PLXNB1: variants seen among roughly 807,000 people sequenced by gnomAD.
PLXNB1 encodes plexin-B1.
PLXNB1 carries 106 observed loss-of-function variants against 209.4 expected under a neutral mutation model. That is an observed-to-expected ratio of 0.51 (90% CI 0.43 to 0.59). PLXNB1 has a LOEUF of 0.59. Among genes scored for constraint, PLXNB1 ranks in the 20% least tolerant of loss-of-function variants. The pLI is 0.00. For synonymous variants in PLXNB1, 1,167 were observed against 1,183.2 expected (o/e 0.99, Z 0.28); for missense variants, 2,357 against 2,853.2 (o/e 0.83, Z 3.96).
At position 48,410,900 on chromosome 3, in the gene PLXNB1, G is replaced by C; in HGVS notation, c.5384C>G (p.Thr1795Ser). 6.2e-7 allele frequency: 1 copy of C among 1,613,098 alleles called. No individual in the cohort carries two copies. The highest frequency in any genetic ancestry group is 8.5e-7 in the Non-Finnish European group (1 of 1,179,616). ...AAGGGTGCGAGGGTCTGGCCGCTGG[G>C]TGAGAGGCACTCCTTTATAAAGCTG... ...LDQLYKGVPL[T>S]QRPDPRTLDV... Residue 1795 changes from threonine to serine, a missense_variant, in exon 29 of 38, where the codon ACC becomes AGC. Transcript: ENST00000296440. This position sits in a 1 kb window ranked among gnomAD's most constrained non-coding sequence, Gnocchi z 6.4.
At chr3:48,412,694 AGAAGGG>A (rs750927542) in intron 25 of PLXNB1, 42 bp downstream of exon 25, 1 of 1,602,450 alleles carries the variant, frequency 6.2e-7, no homozygotes, top group South Asian at 1.1e-5. Context: ...CATGCCCTGG[AGAAGGG>A]GCAGGGCCAG....
At position 48,420,138 on chromosome 3, in the gene PLXNB1, G is replaced by C. The variant is rs754765414; in HGVS notation, c.2148C>G (p.Pro716=). 5.0e-6 allele frequency: 8 copies of C among 1,611,876 alleles called. No individual in the cohort carries two copies. Among genetic ancestry groups the C allele is most frequent in the Non-Finnish European group, 6.8e-6 (8 of 1,179,318 alleles). ...AGATGTCCGAAGCTGTGGCTGTGGAGGGAGCCCCAGGCTCCACGGGAAGGG... is the reference window on the plus strand; with the variant it reads ...AGATGTCCGAAGCTGTGGCTGTGGACGGAGCCCCAGGCTCCACGGGAAGGG... ...PDTLPVEPGA[P]STATASDISP... The change falls in exon 11 of 38, where the codon CCC becomes CCG. Residue 716 remains proline, a synonymous_variant. Coordinates refer to ENST00000296440, the MANE Select transcript of PLXNB1 (RefSeq NM_001130082.3).
chr3:48,419,099 AG>A lies in PLXNB1; in HGVS notation c.2833-61del, dbSNP rs1454751573. On this transcript the variant is annotated intron_variant, in intron 12 of 37. Coordinates refer to ENST00000296440, the MANE Select transcript of PLXNB1 (RefSeq NM_001130082.3). The surrounding 1 kb of genome is among the most constrained non-coding windows in gnomAD (Gnocchi z 5.7). ...AGGAGCTGGGCCCAGGGAGTCCTGC[AG>A]GTCACCCAACAGATCCCCCAGCACA... 6.2e-7 allele frequency: 1 copy of A among 1,600,250 alleles called. No homozygotes were observed. Among genetic ancestry groups the A allele is most frequent in the Non-Finnish European group, 8.5e-7 (1 of 1,170,240 alleles).
Position 48,405,950 on chromosome 3 carries a change from A to C in PLXNB1, c.6229-152T>G. 1 of 636,148 alleles carries C rather than the reference A, an allele frequency of 1.6e-6. No individual in the cohort carries two copies. Among genetic ancestry groups the C allele is most frequent in the Non-Finnish European group, 2.8e-6 (1 of 353,564 alleles). The allele number at this position is 636,148 out of a possible 1,614,324, so 39.4% of individuals were successfully genotyped here. ...TACAGTGGGAAGCAGAGTCCCCTCC[A>C]TGGCCCAGGGACCCCAGGCCAGGTG... On this transcript the variant is annotated intron_variant, in intron 36 of 37. Transcript: ENST00000296440. The surrounding 1 kb of genome is among the most constrained non-coding windows in gnomAD (Gnocchi z 5.0).
At chr3:48,423,050 C>G in intron 3 of PLXNB1, 103 bp from the exon 4 acceptor site, 3 of 992,592 alleles carry the variant, frequency 3.0e-6, no homozygotes, top group Non-Finnish European at 4.5e-6. Flanking sequence ...TCTGGTAGCT[C>G]TCCCTGTACA....
At chr3:48,422,490 CA>C (rs2106945260) in intron 4 of PLXNB1, 31 bp from the exon 5 acceptor site, 2 of 1,546,794 alleles carry the variant, frequency 1.3e-6, no homozygotes, top group African/African-American at 1.4e-5. Context: ...GTCTGGGACC[CA>C]AGTCCATGGC....
rs769375183 is a variant in PLXNB1, at chr3:48,419,914, G to A, written c.2372C>T (p.Pro791Leu). 36 of 1,564,028 alleles carry A rather than the reference G, an allele frequency of 2.3e-5. No homozygotes were observed. The highest frequency in any genetic ancestry group is 2.6e-5 in the Non-Finnish European group (30 of 1,152,102). Residue 791 changes from proline (P) to leucine (L), a missense_variant, in exon 11 of 38, where the codon CCG (proline) becomes CTG (leucine). This residue lies in a region of PLXNB1 where 410 missense variants were observed against 401.0 expected (regional missense o/e 1.02). Transcript: ENST00000296440. The surrounding 1 kb of genome is among the most constrained non-coding windows in gnomAD (Gnocchi z 5.7). ...TGCTGCTACCTCTGAGGGTGACAGC[G>A]GGGAGGCCAAGAGGTCCTCAGGTGT... The part of the protein sequence containing the change: ...SATPEDLLAS[P>L]LSPSEVAAVP...
rs369373690 is a variant in PLXNB1 at position 48,415,758 on chromosome 3, G to A, written c.3619C>T (p.Leu1207=). The change falls in exon 19 of 38, where the codon CTG becomes TTG. Residue 1207 remains leucine, a splice_region_variant and synonymous_variant. Coordinates refer to ENST00000296440, the MANE Select transcript of PLXNB1 (RefSeq NM_001130082.3). The surrounding 1 kb of genome is among the most constrained non-coding windows in gnomAD (Gnocchi z 5.0). ...VVVGDQPCHL[L]PEQQSEQLRC... is the part of the protein sequence containing the mutation. ...AGTTGTTCTGACTGCTGCTCCGGCA[G>A]CCTGGGAGGGGAGGTGGGAATGAAT... The A allele has an allele frequency of 1.9e-6, 3 of 1,541,706 alleles. No homozygotes were observed. Among genetic ancestry groups the A allele is most frequent in the Non-Finnish European group, 1.8e-6 (2 of 1,139,428 alleles).
rs963461084 is a variant in PLXNB1, at chr3:48,413,805, T to C, written c.4400A>G (p.Asn1467Ser). The change falls in exon 23 of 38, where the codon AAC (asparagine) becomes AGC (serine). Residue 1467 changes from asparagine (N) to serine (S), a missense_variant. Asn to Ser is a conservative substitution (Grantham distance 46). Around this residue, in one of 7 missense-constraint regions of PLXNB1, gnomAD observed 743 missense variants for 896.2 expected, o/e 0.83. Transcript: ENST00000296440. This position sits in a 1 kb window ranked among gnomAD's most constrained non-coding sequence, Gnocchi z 5.4. ...SLPEFTVQMG[N>S]LRFSLGHVQY... Reference sequence around the variant, plus strand: ...CACGTGACCCAGGGAGAAGCGCAAGTTCCCCATCTGCACCTGTGTCAGGAG... The same window carrying C: ...CACGTGACCCAGGGAGAAGCGCAAGCTCCCCATCTGCACCTGTGTCAGGAG... 1.2e-6 allele frequency: 2 copies of C among 1,613,420 alleles called. No homozygotes were observed. The highest frequency in any genetic ancestry group is 3.3e-5 in the Admixed American group (2 of 59,998).
In PLXNB1 at chr3:48,421,588, T is replaced by C. The variant is rs924809357; in HGVS notation, c.1653+86A>G. On this transcript the variant is annotated intron_variant, in intron 7 of 37. Transcript: ENST00000296440. The stretch of plus-strand genomic sequence containing the variant: ...GTGTGAGGCCATGTGGTATCTGGCA[T>C]GTCCGACATCAGGATCCAAGATCTC... 5.9e-6 allele frequency: 8 copies of C among 1,360,850 alleles called. No homozygotes were observed. In the East Asian group the frequency reaches 1.2e-4, roughly 20 times the overall value. The allele number at this position is 1,360,850 out of a possible 1,614,324, so 84.3% of individuals were successfully genotyped here. A position where few individuals can be genotyped will look rare whatever the true frequency, so the allele number is the denominator to read the frequency against.
rs531367091 is a variant in PLXNB1, at chr3:48,411,469, G to A, written c.5247+394C>T. 1.2e-3 allele frequency among the ~76,000 whole-genome samples: 187 copies of A among 152,330 alleles called. No homozygotes were observed. Among genetic ancestry groups the A allele is most frequent in the Non-Finnish European group, 2.2e-3 (151 of 68,030 alleles). ...ACCCTTGTGCGTAACTAAGGGGAAA[G>A]CAAACCCAGAGAGAAGTGCCTGCCA... On this transcript the variant is annotated intron_variant, in intron 28 of 37. Coordinates refer to ENST00000296440, the MANE Select transcript of PLXNB1 (RefSeq NM_001130082.3). This position sits in a 1 kb window ranked among gnomAD's most constrained non-coding sequence, Gnocchi z 4.0.
chr3:48,422,711 C>A, intron 4 of PLXNB1, 54 bp downstream of exon 4: 1 of 1,563,174 alleles, frequency 6.4e-7, no homozygotes, highest in Admixed American at 1.7e-5. Context: ...GGGTCCCTAG[C>A]AATCTGTTCC....
chr3:48,420,623 C>T, intron 10 of PLXNB1, 42 bp downstream of exon 10: 1 of 1,514,920 alleles, frequency 6.6e-7, no homozygotes, highest in Non-Finnish European at 9.2e-7. Context: ...ACACTGGGAC[C>T]CCCAACCCCC....
In PLXNB1 at chr3:48,423,902, A is replaced by C; in HGVS notation, c.710T>G (p.Leu237Arg). 1 of 1,613,860 alleles carries C rather than the reference A, an allele frequency of 6.2e-7. No individual in the cohort carries two copies. Among genetic ancestry groups the C allele is most frequent in the Non-Finnish European group, 8.5e-7 (1 of 1,179,922 alleles). The part of the protein sequence containing the change: ...SAYFLFLRRD[L>R]QAQSRAFRAY... ...ACGAAAAGCTCTAGACTGAGCCTGC[A>C]GGTCCCGCCGCAGGAACAGGAAGTA... is the stretch of plus-strand genomic sequence containing the variant. Residue 237 changes from leucine (L) to arginine (R), a missense_variant, in exon 3 of 38, where the codon CTG becomes CGG. This residue lies in a region of PLXNB1 where 404 missense variants were observed against 443.6 expected (regional missense o/e 0.91). Transcript: ENST00000296440.
Position 48,415,651 on chromosome 3 carries a change from T to C in PLXNB1, c.3726A>G (p.Gln1242=). The change falls in exon 19 of 38, where the codon CAA becomes CAG. Residue 1242 remains glutamine (Q), a synonymous_variant. Coordinates refer to ENST00000296440, the MANE Select transcript of PLXNB1 (RefSeq NM_001130082.3). The surrounding 1 kb of genome is among the most constrained non-coding windows in gnomAD (Gnocchi z 5.0). ...VWFGATERRL[Q]RGQFKYTLDP... ...CCAAGGTATACTTGAACTGTCCGCG[T>C]TGAAGCCTCCGCTCCGTGGCCCCAA... 1 of 1,576,320 alleles carries C rather than the reference T, an allele frequency of 6.3e-7. No individual in the cohort carries two copies. Among genetic ancestry groups the C allele is most frequent in the Non-Finnish European group, 8.6e-7 (1 of 1,160,522 alleles).
chr3:48,409,391 G>A lies in PLXNB1; in HGVS notation c.6025C>T (p.Leu2009Phe), dbSNP rs2037513211. ...ATGAAGGTCTGTGCAATGACAAGGA[G>A]CACCGCATCCATGTTATCAGATGTT... ...VQTSDNMDAV[L>F]LVIAQTFMDA... Residue 2009 changes from leucine (L) to phenylalanine (F), a missense_variant, in exon 34 of 38, where the codon CTC becomes TTC. Leu to Phe is a conservative substitution (Grantham distance 22, BLOSUM62 0). Around this residue, in one of 7 missense-constraint regions of PLXNB1, gnomAD observed 414 missense variants for 520.5 expected, o/e 0.80. Coordinates refer to ENST00000296440, the MANE Select transcript of PLXNB1 (RefSeq NM_001130082.3). This position sits in a 1 kb window ranked among gnomAD's most constrained non-coding sequence, Gnocchi z 5.8. 1 of 1,614,200 alleles carries A rather than the reference G, an allele frequency of 6.2e-7. No homozygotes were observed. The highest frequency in any genetic ancestry group is 8.5e-7 in the Non-Finnish European group (1 of 1,180,016).
At position 48,412,831 on chromosome 3, in the gene PLXNB1, G is replaced by C. The variant is rs1481875968; in HGVS notation, c.4765C>G (p.Leu1589Val). ...GHRESPLHRD[L>V]GVPESRRPTV... The stretch of plus-strand genomic sequence containing the variant: ...GGCCGTCTGCTCTCAGGCACACCCA[G>C]GTCCCGGTGCAAGGGCGACTCGCGG... The change falls in exon 25 of 38, where the codon CTG becomes GTG. Residue 1589 changes from leucine (L) to valine (V), a missense_variant. Around this residue, in one of 7 missense-constraint regions of PLXNB1, gnomAD observed 743 missense variants for 896.2 expected, o/e 0.83. Transcript: ENST00000296440. The C allele has an allele frequency of 6.2e-7, 1 of 1,613,754 alleles. No individual in the cohort carries two copies. The highest frequency in any genetic ancestry group is 8.5e-7 in the Non-Finnish European group (1 of 1,180,028).
At position 48,415,359 on chromosome 3, in the gene PLXNB1, C is replaced by G. The variant is rs769797087; in HGVS notation, c.3795-12G>C. The G allele has an allele frequency of 6.2e-7, 1 of 1,610,254 alleles. No homozygotes were observed. Among genetic ancestry groups the G allele is most frequent in the Non-Finnish European group, 8.5e-7 (1 of 1,177,530 alleles). ...TCTCACGTCCTCCACTGAAACAGAC[C>G]GTGAGCTTACGTAACGTAAGATGGC... is the stretch of plus-strand genomic sequence containing the variant. On this transcript the variant is annotated splice_polypyrimidine_tract_variant and intron_variant, in intron 19 of 37. Transcript: ENST00000296440. The surrounding 1 kb of genome is among the most constrained non-coding windows in gnomAD (Gnocchi z 5.0).
At position 48,415,675 on chromosome 3, in the gene PLXNB1, A is replaced by C; in HGVS notation, c.3702T>G (p.Phe1234Leu). Residue 1234 changes from phenylalanine (F) to leucine (L), a missense_variant, in exon 19 of 38, where the codon TTT (phenylalanine) becomes TTG (leucine). Phe to Leu is a conservative substitution (Grantham distance 22). Coordinates refer to ENST00000296440, the MANE Select transcript of PLXNB1 (RefSeq NM_001130082.3). The surrounding 1 kb of genome is among the most constrained non-coding windows in gnomAD (Gnocchi z 5.0). ...TPATLPVAVW[F>L]GATERRLQRG... ...GTTGAAGCCTCCGCTCCGTGGCCCC[A>C]AACCACACAGCCACAGGGAGCGTGG... The C allele has an allele frequency of 6.4e-7, 1 of 1,562,194 alleles. No individual in the cohort carries two copies.
Sources: allele counts gnomAD v4.1 joint callset (sites outside exome capture counted in the v4.1 genomes callset), GRCh38; gene constraint gnomAD v4.1.1; regional missense constraint gnomAD v4.1.1; non-coding constraint Gnocchi (gnomAD v3.1); transcripts MANE v1.5; gene names NCBI Gene and HGNC (gene_info 2026-07-23, HGNC 2026-07-21).